Variants in ARID1B observed in about 807,000 individuals in gnomAD.
ARID1B encodes the protein AT-rich interactive domain-containing protein 1B.
A neutral mutation model predicts 212.3 loss-of-function variants in ARID1B; 30 were observed. The observed-to-expected ratio is 0.14, with a 90% confidence interval of 0.11 to 0.19. The LOEUF is 0.19. ARID1B is among the 10% of genes least tolerant of loss of function. ARID1B has a pLI of 1.00. For missense variants in ARID1B, 2,891 were observed against 3,204.0 expected, an observed-to-expected ratio of 0.90 and a Z score of 2.36; for synonymous variants, 1,402 against 1,301.7, an observed-to-expected ratio of 1.08 and a Z score of -1.66.
At chr6:156,997,120 G>A (rs1441975428) in intron 4 of ARID1B, among the ~76,000 whole-genome samples, 1 of 152,042 alleles carries the variant, frequency 6.6e-6, no homozygotes, top group Non-Finnish European at 1.5e-5. Flanking sequence ...GAATGGATGT[G>A]GTCTATGGGA....
In ARID1B at chr6:157,175,020, T is replaced by G. The variant is rs748298904; in HGVS notation, c.3504+15T>G. On this transcript the variant is annotated intron_variant, in intron 11 of 19. Coordinates refer to ENST00000636930, the MANE Select transcript of ARID1B (RefSeq NM_001374828.1). The stretch of plus-strand genomic sequence containing the variant: ...CATCAAGCCCTGTAAGTGGCTCTGG[T>G]TTTTTTTTGTTTTTTTTGTTTTTTG... 15 of 1,354,372 alleles carry G rather than the reference T, an allele frequency of 1.1e-5. No individual in the cohort carries two copies. The highest frequency in any genetic ancestry group is 8.4e-5 in the East Asian group (3 of 35,578). The allele number at this position is 1,354,372 out of a possible 1,614,324, so 83.9% of individuals were successfully genotyped here.
chr6:157,148,742 A>G lies in ARID1B; in HGVS notation c.2880A>G (p.Pro960=). Residue 960 remains proline, a synonymous_variant, in exon 8 of 20, where the codon CCA becomes CCG. Transcript: ENST00000636930. The surrounding 1 kb of genome is among the most constrained non-coding windows in gnomAD (Gnocchi z 5.6). The part of the protein sequence containing the change: ...NQMHGQGPSQ[P]CGAVPLGRMP... Reference sequence around the variant, plus strand: ...TGCATGGACAAGGGCCAAGCCAGCCATGTGGTGCTGTGCCCCTGGGACGAA... The same window carrying G: ...TGCATGGACAAGGGCCAAGCCAGCCGTGTGGTGCTGTGCCCCTGGGACGAA... The G allele has an allele frequency of 1.9e-6, 3 of 1,613,254 alleles. No individual in the cohort carries two copies. Among genetic ancestry groups the G allele is most frequent in the South Asian group, 2.2e-5 (2 of 91,084 alleles).
chr6:157,109,819 C>T (rs777387256), intron 5 of ARID1B, among the ~76,000 whole-genome samples: 2 of 152,084 alleles, frequency 1.3e-5, no homozygotes, highest in Non-Finnish European at 2.9e-5. Context: ...AAGGAGTTTA[C>T]ATTATATTTG....
chr6:156,830,470 A>G (rs1783069586), intron 2 of ARID1B, among the ~76,000 whole-genome samples: 1 of 152,252 alleles, frequency 6.6e-6, no homozygotes, highest in Non-Finnish European at 1.5e-5. Context: ...GATTGATCAT[A>G]CTTTACATGA....
chr6:157,145,304 A>T (rs1427099203), intron 7 of ARID1B, among the ~76,000 whole-genome samples: 2 of 152,178 alleles, frequency 1.3e-5, no homozygotes, highest in East Asian at 3.8e-4. Context: ...ATAAGGTTTT[A>T]CTGGAACATC....
intron 4 of ARID1B, among the ~76,000 whole-genome samples, chr6:157,052,181 A>C (rs1782651896): frequency 6.6e-6 from 1 of 152,136 alleles, no homozygotes; most frequent in Non-Finnish European, 1.5e-5. Flanking sequence ...TGGATAACAG[A>C]GGTTATTTAT....
At chr6:156,934,961 T>TATATATATATATAG (rs1235681331) in intron 3 of ARID1B, among the ~76,000 whole-genome samples, 1 of 90,462 alleles carries the variant, frequency 1.1e-5, no homozygotes, top group African/African-American at 4.4e-5. Flanking sequence ...TATATATATA[T>TATATATATATATAG]AGTTTATATT....
At chr6:157,067,817 T>G (rs1211271003) in intron 4 of ARID1B, among the ~76,000 whole-genome samples, 1 of 152,172 alleles carries the variant, frequency 6.6e-6, no homozygotes, top group Non-Finnish European at 1.5e-5. Flanking sequence ...TTTTCCGCCT[T>G]TTCTTCCTGT....
intron 2 of ARID1B, among the ~76,000 whole-genome samples, chr6:156,868,276 A>G (rs1785858149): frequency 1.3e-5 from 2 of 152,248 alleles, no homozygotes; most frequent in Admixed American, 1.3e-4. Context: ...CTTGGTTGTC[A>G]TCACTGATAT....
chr6:157,039,611 T>A (rs1244177678), intron 4 of ARID1B, among the ~76,000 whole-genome samples: 1 of 145,900 alleles, frequency 6.9e-6, no homozygotes, highest in Non-Finnish European at 1.5e-5. Context: ...TTCCAAAAGC[T>A]ACCTACCTTC....
In ARID1B at chr6:157,094,352, G is replaced by A. The variant is rs887989016; in HGVS notation, c.2491+9447G>A. ...GTAGGTTATGATTATGATTTAGGAGGTTTTTTTATTACTTCTTTTTGAGAA... is the reference window on the plus strand; with the variant it reads ...GTAGGTTATGATTATGATTTAGGAGATTTTTTTATTACTTCTTTTTGAGAA... On this transcript the variant is annotated intron_variant, in intron 5 of 19. Coordinates refer to ENST00000636930, the MANE Select transcript of ARID1B (RefSeq NM_001374828.1). The surrounding 1 kb of genome is among the most constrained non-coding windows in gnomAD (Gnocchi z 4.3). Among the ~76,000 whole-genome samples the A allele has an allele frequency of 1.3e-5, 2 of 151,928 alleles. No homozygotes were observed. The highest frequency in any genetic ancestry group is 2.9e-5 in the Non-Finnish European group (2 of 67,958).
At chr6:156,849,975 G>T (rs1283411282) in intron 2 of ARID1B, among the ~76,000 whole-genome samples, 1 of 150,232 alleles carries the variant, frequency 6.7e-6, no homozygotes, top group Non-Finnish European at 1.5e-5. Flanking sequence ...TTTGCACAAA[G>T]TGGCACCTGT....
intron 5 of ARID1B, among the ~76,000 whole-genome samples, chr6:157,097,611 T>G (rs1274969541): frequency 6.6e-6 from 1 of 152,118 alleles, no homozygotes; most frequent in African/African-American, 2.4e-5. Context: ...GAACCCAGAA[T>G]GAGAAATTTG....
At chr6:157,184,661 A>G (rs761830666) in intron 13 of ARID1B, 1 of 598,334 alleles carries the variant, frequency 1.7e-6, no homozygotes, top group Non-Finnish European at 3.0e-6. Context: ...CTTGGAAGGC[A>G]CCCCTTCTTT....
intron 7 of ARID1B, among the ~76,000 whole-genome samples, chr6:157,136,763 G>C (rs1788939552): frequency 6.6e-6 from 1 of 152,100 alleles, no homozygotes; most frequent in Non-Finnish European, 1.5e-5. Context: ...TTGGGAGGCT[G>C]AGGCACAAGA....
At chr6:156,861,195 G>T (rs1429417222) in intron 2 of ARID1B, among the ~76,000 whole-genome samples, 1 of 152,172 alleles carries the variant, frequency 6.6e-6, no homozygotes, top group South Asian at 2.1e-4. Flanking sequence ...GGGGAGGGGG[G>T]ACAGGCATGT....
chr6:156,945,369 A>G (rs1428556386), intron 4 of ARID1B, among the ~76,000 whole-genome samples: 2 of 148,778 alleles, frequency 1.3e-5, no homozygotes, highest in Non-Finnish European at 3.0e-5. Context: ...AGAGCACAAA[A>G]TGGTATGCAC....
chr6:156,813,041 TAC>T (rs1491038312), intron 1 of ARID1B, among the ~76,000 whole-genome samples: 2 of 141,506 alleles, frequency 1.4e-5, no homozygotes, highest in Non-Finnish European at 1.6e-5. Flanking sequence ...CATATATATA[TAC>T]ACATACGTAT....
intron 1 of ARID1B, among the ~76,000 whole-genome samples, chr6:156,801,151 A>G (rs566283761): frequency 6.6e-6 from 1 of 150,690 alleles, no homozygotes; most frequent in South Asian, 2.1e-4. Context: ...AATGTGAGCT[A>G]CTTGAATTTT....
Sources: gnomAD v4.1 joint callset for allele counts (sites outside exome capture counted in the v4.1 genomes callset) on GRCh38, gnomAD v4.1.1 for gene constraint, Gnocchi (gnomAD v3.1) non-coding constraint, MANE v1.5 for transcripts, NCBI Gene and HGNC (gene_info 2026-07-23, HGNC 2026-07-21) for gene names.